TERT: variants seen among roughly 807,000 people sequenced by gnomAD.
TERT encodes telomerase catalytic subunit.
A neutral mutation model predicts 104.0 loss-of-function variants in TERT; 42 were observed. That is an observed-to-expected ratio of 0.40 (90% CI 0.32 to 0.52). The LOEUF (loss-of-function observed/expected upper bound fraction) is 0.52, where lower values mean the gene tolerates loss of function less well. TERT is among the 20% of genes least tolerant of loss of function. The probability of loss-of-function intolerance (pLI) is 0.43; values close to 1 mark genes in which losing one functional copy is unlikely to be tolerated. For synonymous variants in TERT, 781 were observed against 725.6 expected (o/e 1.08, Z -1.23); for missense variants, 1,101 against 1,610.3 (o/e 0.68, Z 5.41).
rs746783805 is a variant in TERT at position 1,263,302 on chromosome 5, G to A, written c.2843+1102C>T. On this transcript the variant is annotated intron_variant, in intron 11 of 15. Coordinates refer to ENST00000310581, the MANE Select transcript of TERT (RefSeq NM_198253.3). The surrounding 1 kb of genome is among the most constrained non-coding windows in gnomAD (Gnocchi z 5.3). ...TCTTCCCATGAAGGTGTGCCTTTCA[G>A]AGGAAGGCACCCCCAGTTCCGGCCT... 6.6e-6 allele frequency among the ~76,000 whole-genome samples: 1 copy of A among 152,126 alleles called. No individual in the cohort carries two copies. The highest frequency in any genetic ancestry group is 2.1e-4 in the South Asian group (1 of 4,816).
In TERT at chr5:1,278,686, G is replaced by A. The variant is rs2126640074; in HGVS notation, c.2241C>T (p.Val747=). 6.2e-7 allele frequency: 1 copy of A among 1,614,180 alleles called. No homozygotes were observed. Among genetic ancestry groups the A allele is most frequent in the South Asian group, 1.1e-5 (1 of 91,082 alleles). ...GGACGTGCCCATGGGCGGCCTTCTG[G>A]ACCACGGCATACCGACGCACGCAGT... The part of the protein sequence containing the change: ...NTYCVRRYAV[V]QKAAHGHVRK... Residue 747 remains valine, a synonymous_variant, in exon 6 of 16, where the codon GTC becomes GTT. Coordinates refer to ENST00000310581, the MANE Select transcript of TERT (RefSeq NM_198253.3).
intron 9 of TERT, among the ~76,000 whole-genome samples, chr5:1,267,436 A>C (rs946117938): frequency 3.9e-5 from 6 of 152,216 alleles, no homozygotes; most frequent in Non-Finnish European, 4.4e-5. Flanking sequence ...TGATTCCTCA[A>C]GGATCTAGAA....
intron 2 of TERT, among the ~76,000 whole-genome samples, chr5:1,290,931 C>CGCCTCACTCACCCTGCA (rs1750873352): frequency 6.5e-5 from 9 of 137,690 alleles, no homozygotes; most frequent in Admixed American, 2.1e-4. Flanking sequence ...CACCCGGGGG[C>CGCCTCACTCACCCTGCA]CGTGCCTCAC....
Position 1,293,757 on chromosome 5 carries a change from G to A in TERT, c.1129C>T (p.Arg377Cys). ...GSRPWMPGTP[R>C]RLPRLPQRYW... ...CGCTGGGGCAGGCGGGGCAACCTGC[G>A]GGGAGTCCCTGGCATCCAGGGCCTG... The change falls in exon 2 of 16, where the codon CGC (arginine) becomes TGC (cysteine). Residue 377 changes from arginine (R) to cysteine (C), a missense_variant. By Grantham distance (180) the Arg-to-Cys change is radical (BLOSUM62 -3). This residue lies in a region of TERT where 504 missense variants were observed against 544.6 expected (regional missense o/e 0.93). Coordinates refer to ENST00000310581, the MANE Select transcript of TERT (RefSeq NM_198253.3). The A allele has an allele frequency of 1.3e-6, 2 of 1,558,806 alleles. No homozygotes were observed. Among genetic ancestry groups the A allele is most frequent in the Non-Finnish European group, 1.7e-6 (2 of 1,151,534 alleles).
chr5:1,260,489 C>T lies in TERT; in HGVS notation c.2955G>A (p.Leu985=), dbSNP rs1748148397. ...GCCTGCTCACCTGCAAATCCAGAAA[C>T]AGGCTGTGACACTTCAGCCGCAAGA... ...FGVLRLKCHS[L]FLDLQVNSLQ... The change falls in exon 12 of 16, where the codon CTG becomes CTA. Residue 985 remains leucine (L), a synonymous_variant. Transcript: ENST00000310581. 1 of 1,614,172 alleles carries T rather than the reference C, an allele frequency of 6.2e-7. No individual in the cohort carries two copies. Among genetic ancestry groups the T allele is most frequent in the East Asian group, 2.2e-5 (1 of 44,882 alleles).
chr5:1,292,882 A>G lies in TERT; in HGVS notation c.1573+431T>C, dbSNP rs569424576. On this transcript the variant is annotated intron_variant, in intron 2 of 15. Coordinates refer to ENST00000310581, the MANE Select transcript of TERT (RefSeq NM_198253.3). The surrounding 1 kb of genome is among the most constrained non-coding windows in gnomAD (Gnocchi z 5.5). ...GACCACGTGCACCTGCAAAACCCTT[A>G]CCTCCCACCCCCAGGAAGAGGGGGT... 2.3e-4 allele frequency among the ~76,000 whole-genome samples: 35 copies of G among 152,158 alleles called. No individual in the cohort carries two copies. Among genetic ancestry groups the G allele is most frequent in the African/African-American group, 8.2e-4 (34 of 41,524 alleles).
At position 1,293,506 on chromosome 5, in the gene TERT, C is replaced by A; in HGVS notation, c.1380G>T (p.Gln460His). Residue 460 changes from glutamine (Q) to histidine (H), a missense_variant, in exon 2 of 16, where the codon CAG (glutamine) becomes CAT (histidine). Gln to His is a conservative substitution (Grantham distance 24). Coordinates refer to ENST00000310581, the MANE Select transcript of TERT (RefSeq NM_198253.3). ...QLLRQHSSPW[Q>H]VYGFVRACLR... ...GGCAGGCCCGCACGAAGCCGTACAC[C>A]TGCCAGGGGCTGCTGTGCTGGCGGA... 1 of 1,574,440 alleles carries A rather than the reference C, an allele frequency of 6.4e-7. No homozygotes were observed. The highest frequency in any genetic ancestry group is 8.6e-7 in the Non-Finnish European group (1 of 1,160,488).
chr5:1,281,173 T>C (rs1443344741), intron 3 of TERT, among the ~76,000 whole-genome samples: 3 of 152,230 alleles, frequency 2.0e-5, no homozygotes. Context: ...ACTGGTCAAA[T>C]GACCATGTTG....
rs878855300 is a variant in TERT at position 1,279,323 on chromosome 5, G to A, written c.2098C>T (p.Gln700Ter). 6.3e-7 allele frequency: 1 copy of A among 1,585,630 alleles called. No individual in the cohort carries two copies. Among genetic ancestry groups the A allele is most frequent in the Non-Finnish European group, 8.6e-7 (1 of 1,168,216 alleles). The change falls in exon 5 of 16, where the codon CAG (glutamine) becomes TAG (stop). Residue 700 changes from glutamine to a stop codon, truncating the protein, a stop_gained. Transcript: ENST00000310581. LOFTEE classifies it high-confidence loss of function. ...WRTFVLRVRAQDPPPELYFVK... is the reference protein window; with the variant it reads ...WRTFVLRVRA ...AAGTACAGCTCAGGCGGCGGGTCCTGGGCCCGCACACGCAGCACGAAGGTG... is the reference window on the plus strand; with the variant it reads ...AAGTACAGCTCAGGCGGCGGGTCCTAGGCCCGCACACGCAGCACGAAGGTG...
In TERT at chr5:1,256,160, C is replaced by T. The variant is rs137939560; in HGVS notation, c.3033-749G>A. On this transcript the variant is annotated intron_variant, in intron 13 of 15. Coordinates refer to ENST00000310581, the MANE Select transcript of TERT (RefSeq NM_198253.3). This position sits in a 1 kb window ranked among gnomAD's most constrained non-coding sequence, Gnocchi z 7.0. Reference sequence around the variant, plus strand: ...CAAGTATTGGAACTACAGGCGCACACCACCATGCTCAGCTAATTTTTGTTT... The same window carrying T: ...CAAGTATTGGAACTACAGGCGCACATCACCATGCTCAGCTAATTTTTGTTT... 7.2e-5 allele frequency among the ~76,000 whole-genome samples: 11 copies of T among 152,134 alleles called. No homozygotes were observed. The East Asian group carries it at 1.7e-3, about 24-fold the overall frequency.
intron 11 of TERT, 129 bp from the exon 12 acceptor site, chr5:1,260,729 C>T (rs988824320): frequency 5.2e-6 from 7 of 1,346,232 alleles, no homozygotes; most frequent in South Asian, 3.7e-5. Flanking sequence ...TGCGCTGCAG[C>T]CCGAGGGGGC....
Position 1,257,488 on chromosome 5 carries a change from C to A in TERT, c.3032+1110G>T, listed in dbSNP as rs1178023405. Among the ~76,000 whole-genome samples, 1 of 152,080 alleles carries A rather than the reference C, an allele frequency of 6.6e-6. No homozygotes were observed. Among genetic ancestry groups the A allele is most frequent in the African/African-American group, 2.4e-5 (1 of 41,416 alleles). On this transcript the variant is annotated intron_variant, in intron 13 of 15. Transcript: ENST00000310581. The surrounding 1 kb of genome is among the most constrained non-coding windows in gnomAD (Gnocchi z 5.6). Reference sequence around the variant, plus strand: ...CAGCTTGCACGAGGGCCCAGGCACGCGTCAGGGAGATGCAAACGAGGGAAG... The same window carrying A: ...CAGCTTGCACGAGGGCCCAGGCACGAGTCAGGGAGATGCAAACGAGGGAAG...
rs567408897 is a variant in TERT, at chr5:1,267,375, C to A, written c.2583-840G>T. 4.6e-5 allele frequency among the ~76,000 whole-genome samples: 7 copies of A among 152,320 alleles called. 1 individual carries two copies. ...CCTCTCCAGCACCAGAACACTTTTA[C>A]ACTGTTGGTGGGAGTGTAAACTAGT... On this transcript the variant is annotated intron_variant, in intron 9 of 15. Transcript: ENST00000310581.
At chr5:1,271,229 T>C (rs751079332) in intron 7 of TERT, 25 bp from the exon 8 acceptor site, 7 of 1,577,666 alleles carry the variant, frequency 4.4e-6, no homozygotes, top group African/African-American at 2.7e-5. Context: ...GGGAGACACA[T>C]GGGAGTGAGC....
At position 1,274,936 on chromosome 5, in the gene TERT, G is replaced by A. The variant is rs189881778; in HGVS notation, c.2287-2656C>T. Reference sequence around the variant, plus strand: ...GCAGACACCAATTACGCAGGAAACAGCCGGGAAATCAGCACACGTGAAACT... The same window carrying A: ...GCAGACACCAATTACGCAGGAAACAACCGGGAAATCAGCACACGTGAAACT... On this transcript the variant is annotated intron_variant, in intron 6 of 15. Transcript: ENST00000310581. The surrounding 1 kb of genome is among the most constrained non-coding windows in gnomAD (Gnocchi z 5.3). 6.6e-6 allele frequency among the ~76,000 whole-genome samples: 1 copy of A among 152,326 alleles called. No individual in the cohort carries two copies. The highest frequency in any genetic ancestry group is 1.9e-4 in the East Asian group (1 of 5,180).
intron 9 of TERT, among the ~76,000 whole-genome samples, chr5:1,267,300 CTG>C (rs1349060339): frequency 5.9e-5 from 9 of 152,170 alleles, no homozygotes; most frequent in Non-Finnish European, 1.0e-4. Flanking sequence ...CACTAACTGT[CTG>C]CTTGTTCAGT....
At position 1,265,617 on chromosome 5, in the gene TERT, G is replaced by T. The variant is rs1263425403; in HGVS notation, c.2654+847C>A. 1.3e-5 allele frequency among the ~76,000 whole-genome samples: 2 copies of T among 152,004 alleles called. No individual in the cohort carries two copies. Among genetic ancestry groups the T allele is most frequent in the South Asian group, 4.2e-4 (2 of 4,816 alleles). ...TGCTCCGGGCTGCGGCACAAGGAAC[G>T]CCAGGCATACCCCCAGCCCAGGGCG... is the stretch of plus-strand genomic sequence containing the variant. On this transcript the variant is annotated intron_variant, in intron 10 of 15. Coordinates refer to ENST00000310581, the MANE Select transcript of TERT (RefSeq NM_198253.3). The surrounding 1 kb of genome is among the most constrained non-coding windows in gnomAD (Gnocchi z 6.9).
chr5:1,283,407 G>A (rs377181323), intron 2 of TERT, among the ~76,000 whole-genome samples: 19 of 136,792 alleles, frequency 1.4e-4, no homozygotes, highest in African/African-American at 4.2e-4. Context: ...AGGGCCTGGC[G>A]ACCTCACCCC....
chr5:1,287,509 AT>A lies in TERT; in HGVS notation c.1574-4886del, dbSNP rs61573712. Among the ~76,000 whole-genome samples, 41,619 of 125,680 alleles carry A rather than the reference AT, an allele frequency of 0.33. 6,368 individuals carry two copies. The highest frequency in any genetic ancestry group is 0.45 in the South Asian group (1,794 of 4,000). The allele number at this position is 125,680 out of a possible 152,430, so 82.5% of individuals were successfully genotyped here. On this transcript the variant is annotated intron_variant, in intron 2 of 15. Transcript: ENST00000310581. This position sits in a 1 kb window ranked among gnomAD's most constrained non-coding sequence, Gnocchi z 4.3. ...CAAGACTCTGTCTCAAAAAAAAAAA[AT>A]ATATATATATATATATAAATTAAAG...
Sources: allele counts gnomAD v4.1 joint callset (sites outside exome capture counted in the v4.1 genomes callset), GRCh38; gene constraint gnomAD v4.1.1; regional missense constraint gnomAD v4.1.1; non-coding constraint Gnocchi (gnomAD v3.1); transcripts MANE v1.5; gene names NCBI Gene and HGNC (gene_info 2026-07-23, HGNC 2026-07-21).